C5orf15: variants seen among roughly 807,000 people sequenced by gnomAD.
C5orf15 encodes the protein keratinocyte-associated transmembrane protein 2.
A neutral mutation model predicts 17.8 loss-of-function variants in C5orf15; 10 were observed. The observed-to-expected ratio is 0.56, with a 90% CI of 0.35 to 0.95. The LOEUF (loss-of-function observed/expected upper bound fraction) is 0.95. Ranked by LOEUF, C5orf15 falls within the 40% of genes least tolerant of loss-of-function variation. The pLI is 0.02. For synonymous variants in C5orf15, 124 were observed against 131.0 expected, an observed-to-expected ratio of 0.95 and a Z score of 0.36; for missense variants, 319 against 331.7, an observed-to-expected ratio of 0.96 and a Z score of 0.30.
intron 1 of C5orf15, among the ~76,000 whole-genome samples, chr5:133,963,410 T>C (rs1752148821): frequency 1.3e-5 from 2 of 152,210 alleles, no homozygotes; most frequent in East Asian, 3.8e-4. Context: ...AAATGAATTC[T>C]GGCTGGCTTT....
At position 133,959,897 on chromosome 5, in the gene C5orf15, A is replaced by T; in HGVS notation, c.263T>A (p.Leu88His). Residue 88 changes from leucine to histidine, a missense_variant, in exon 2 of 3, where the codon CTC becomes CAC. Around this residue, in one of 3 missense-constraint regions of C5orf15, gnomAD observed 17 missense variants for 43.6 expected, o/e 0.39. Transcript: ENST00000231512. ...KPSISQISTT[L>H]PPTTSTKKSG... ...TTTCTTGGTACTCGTCGTGGGAGGG[A>T]GGGTGGTGCTGATTTGGGAAATAGA... is the stretch of plus-strand genomic sequence containing the variant. 4 of 1,613,892 alleles carry T rather than the reference A, an allele frequency of 2.5e-6. No individual in the cohort carries two copies. Among genetic ancestry groups the T allele is most frequent in the Non-Finnish European group, 3.4e-6 (4 of 1,179,922 alleles).
intron 1 of C5orf15, among the ~76,000 whole-genome samples, chr5:133,963,486 G>A (rs910625581): frequency 6.6e-6 from 1 of 152,160 alleles, no homozygotes; most frequent in Non-Finnish European, 1.5e-5. Context: ...TGAACATTAT[G>A]TATAAAATAA....
At chr5:133,958,423 G>T (rs1024259062) in intron 2 of C5orf15, among the ~76,000 whole-genome samples, 2 of 151,292 alleles carry the variant, frequency 1.3e-5, no homozygotes, top group Non-Finnish European at 3.0e-5. Flanking sequence ...CTAAAAATAC[G>T]AAAATTAGCC....
At chr5:133,960,337 C>A (rs1293634723) in intron 1 of C5orf15, among the ~76,000 whole-genome samples, 1 of 152,158 alleles carries the variant, frequency 6.6e-6, no homozygotes, top group Non-Finnish European at 1.5e-5. Context: ...ACATACAGCC[C>A]TCACCCATCC....
At chr5:133,964,697 T>C (rs1685803434) in intron 1 of C5orf15, among the ~76,000 whole-genome samples, 1 of 152,200 alleles carries the variant, frequency 6.6e-6, no homozygotes, top group African/African-American at 2.4e-5. Flanking sequence ...TTAGTCTCCA[T>C]CTCAATTAAT....
intron 2 of C5orf15, 51 bp from the exon 3 acceptor site, chr5:133,957,041 TA>T (rs767232157): frequency 7.2e-7 from 1 of 1,397,046 alleles, no homozygotes; most frequent in East Asian, 2.3e-5. Context: ...GAGAATATGG[TA>T]AACATTTTTA....
rs1752035299 is a variant in C5orf15 at position 133,955,772 on chromosome 5, A to G, written c.*1087T>C. On this transcript the variant is annotated 3_prime_UTR_variant, in exon 3 of 3. Coordinates refer to ENST00000231512, the MANE Select transcript of C5orf15 (RefSeq NM_020199.3). Reference sequence around the variant, plus strand: ...CTATGTTTTCTAAAAAGCTGTAGTGACACTTGTAAGTCAACCATGGTTCAA... The same window carrying G: ...CTATGTTTTCTAAAAAGCTGTAGTGGCACTTGTAAGTCAACCATGGTTCAA... 6.6e-6 allele frequency: 1 copy of G among 152,548 alleles called. No individual in the cohort carries two copies. Among genetic ancestry groups the G allele is most frequent in the African/African-American group, 2.4e-5 (1 of 41,454 alleles). The allele number at this position is 152,548 out of a possible 1,614,324, so 9.4% of individuals were successfully genotyped here.
rs1381762791 is a variant in C5orf15 at position 133,955,529 on chromosome 5, T to G, written c.*1330A>C. The G allele has an allele frequency of 6.6e-6, 1 of 152,668 alleles. No homozygotes were observed. The highest frequency in any genetic ancestry group is 1.5e-5 in the Non-Finnish European group (1 of 68,046). The allele number at this position is 152,668 out of a possible 1,614,324, so 9.5% of individuals were successfully genotyped here. On this transcript the variant is annotated 3_prime_UTR_variant, in exon 3 of 3. Coordinates refer to ENST00000231512, the MANE Select transcript of C5orf15 (RefSeq NM_020199.3). ...AAATCATAGATTTATATCTTTGCCA[T>G]TTATTTTTTAAAATCTTATTCAAAA...
chr5:133,957,066 AT>A, intron 2 of C5orf15, 76 bp from the exon 3 acceptor site: 1 of 1,235,114 alleles, frequency 8.1e-7, no homozygotes, highest in African/African-American at 1.5e-5. Context: ...CAAGTAAAAT[AT>A]CTCTCTTCTA....
chr5:133,967,603 A>C (rs1212112969), intron 1 of C5orf15: 1 of 152,216 alleles, frequency 6.6e-6, no homozygotes, highest in Non-Finnish European at 1.5e-5. Flanking sequence ...TGATTTCACC[A>C]TGCAACATTT....
Position 133,968,485 on chromosome 5 carries a change from C to T in C5orf15, c.100G>A (p.Val34Ile), listed in dbSNP as rs1167656890. 1 of 1,604,810 alleles carries T rather than the reference C, an allele frequency of 6.2e-7. No individual in the cohort carries two copies. Among genetic ancestry groups the T allele is most frequent in the Admixed American group, 1.7e-5 (1 of 58,900 alleles). ...GCGGACACAAGCAGGAGCGCCAAGA[C>T]CAGCGGCCGCGCCAACCCCACAAGG... ...QALVGLARPL[V>I]LALLLVSAAL... The change falls in exon 1 of 3, where the codon GTC (valine) becomes ATC (isoleucine). Residue 34 changes from valine to isoleucine, a missense_variant. Physicochemically the swap from Val to Ile is conservative, Grantham distance 29. This residue lies in a region of C5orf15 where 127 missense variants were observed against 95.6 expected (regional missense o/e 1.33). Transcript: ENST00000231512.
chr5:133,961,246 A>T (rs1752118823), intron 1 of C5orf15, among the ~76,000 whole-genome samples: 1 of 145,752 alleles, frequency 6.9e-6, no homozygotes, highest in African/African-American at 2.5e-5. Flanking sequence ...AAAAAAAAAA[A>T]AAAAAAAAAA....
rs908969055 is a variant in C5orf15 at position 133,961,364 on chromosome 5, T to A, written c.140-1344A>T. Among the ~76,000 whole-genome samples, 6 of 149,030 alleles carry A rather than the reference T, an allele frequency of 4.0e-5. No homozygotes were observed. The East Asian group carries it at 1.2e-3, about 29-fold the overall frequency. On this transcript the variant is annotated intron_variant, in intron 1 of 2. Coordinates refer to ENST00000231512, the MANE Select transcript of C5orf15 (RefSeq NM_020199.3). ...CTCGAGACCATCCTGGCTAACATGA[T>A]GAAACCCGGTCTCTACTAAAAAATA...
At chr5:133,958,872 T>C (rs1752076705) in intron 2 of C5orf15, among the ~76,000 whole-genome samples, 1 of 152,108 alleles carries the variant, frequency 6.6e-6, no homozygotes, top group African/African-American at 2.4e-5. Context: ...CCTACTGAAG[T>C]AATGATGCCA....
At position 133,968,339 on chromosome 5, in the gene C5orf15, G is replaced by A. The variant is rs953154237; in HGVS notation, c.139+107C>T. 11 of 1,448,314 alleles carry A rather than the reference G, an allele frequency of 7.6e-6. No homozygotes were observed. The African/African-American group carries it at 8.5e-5, about 11-fold the overall frequency. 89.7% of individuals were successfully genotyped at this position (1,448,314 alleles called of 1,614,324 possible). A position where few individuals can be genotyped will look rare whatever the true frequency, so the allele number is the denominator to read the frequency against. ...GACCCTGACCCAACCAGACACCGCC[G>A]TCTGCTCCTGACACTTGGAAGCGCC... On this transcript the variant is annotated intron_variant, in intron 1 of 2. Coordinates refer to ENST00000231512, the MANE Select transcript of C5orf15 (RefSeq NM_020199.3).
chr5:133,964,062 C>T (rs1007741673), intron 1 of C5orf15, among the ~76,000 whole-genome samples: 1 of 152,044 alleles, frequency 6.6e-6, no homozygotes, highest in Admixed American at 6.6e-5. Context: ...ACCAAAAATA[C>T]AAAAATTAGC....
In C5orf15 at chr5:133,955,860, A is replaced by G. The variant is rs1479814298; in HGVS notation, c.*999T>C. The G allele has an allele frequency of 6.6e-6, 1 of 152,284 alleles. No homozygotes were observed. The highest frequency in any genetic ancestry group is 2.4e-5 in the African/African-American group (1 of 41,478). The allele number at this position is 152,284 out of a possible 1,614,324, so 9.4% of individuals were successfully genotyped here. A position where few individuals can be genotyped will look rare whatever the true frequency, so the allele number is the denominator to read the frequency against. On this transcript the variant is annotated 3_prime_UTR_variant, in exon 3 of 3. Coordinates refer to ENST00000231512, the MANE Select transcript of C5orf15 (RefSeq NM_020199.3). ...AAAGACAGACATAAATGAATCCCAT[A>G]GTAAATACTTTCCAGTTGCCATAAA...
intron 2 of C5orf15, among the ~76,000 whole-genome samples, chr5:133,957,653 T>G (rs1322575720): frequency 6.6e-6 from 1 of 152,088 alleles, no homozygotes; most frequent in Non-Finnish European, 1.5e-5. Flanking sequence ...AATATAGCAC[T>G]AAATACAAAT....
chr5:133,959,404 C>CAAAA lies in C5orf15; in HGVS notation c.666+86_666+89dup, dbSNP rs397999300. ...GTGAAACCCACTACACTTTTTTTTG[C>CAAAA]AAAAAAAAAAAAAAAAAAAAAAAAG... On this transcript the variant is annotated intron_variant, in intron 2 of 2. Transcript: ENST00000231512. 6.3e-3 allele frequency: 781 copies of CAAAA among 124,466 alleles called. 51 individuals are homozygous for CAAAA. Among genetic ancestry groups the CAAAA allele is most frequent in the African/African-American group, 0.011 (130 of 11,678 alleles). 7.7% of individuals were successfully genotyped at this position (124,466 alleles called of 1,614,324 possible).
Sources: gnomAD v4.1 joint callset for allele counts (sites outside exome capture counted in the v4.1 genomes callset) on GRCh38, gnomAD v4.1.1 for gene constraint, gnomAD v4.1.1 regional missense constraint, MANE v1.5 for transcripts, NCBI Gene and HGNC (gene_info 2026-07-23, HGNC 2026-07-21) for gene names.